Variants in GALNT13 observed in about 807,000 individuals in gnomAD.
The protein encoded by GALNT13 is UDP-GalNAc:polypeptide N-acetylgalactosaminyltransferase 13.
GALNT13 carries 28 observed loss-of-function variants against 64.2 expected under a neutral mutation model. The ratio of observed to expected loss-of-function variants is 0.44; its 90% CI spans 0.32 to 0.60. GALNT13 has a LOEUF of 0.60. GALNT13 is among the 20% of genes least tolerant of loss of function. The probability of loss-of-function intolerance (pLI) is 0.05; values close to 1 mark genes in which losing one functional copy is unlikely to be tolerated. For synonymous variants in GALNT13, 214 were observed against 224.6 expected (o/e 0.95, Z 0.42); for missense variants, 577 against 669.8 (o/e 0.86, Z 1.53).
chr2:153,955,130 G>T (rs941292660), intron 3 of GALNT13, among the ~76,000 whole-genome samples: 1 of 152,110 alleles, frequency 6.6e-6, no homozygotes, highest in Non-Finnish European at 1.5e-5. Context: ...GTTTTTCTCA[G>T]CAGTGAGTTT....
the GALNT13 span, among the ~76,000 whole-genome samples, chr2:153,737,363 G>A: frequency 6.6e-6 from 1 of 151,484 alleles, no homozygotes; most frequent in African/African-American, 2.4e-5. Flanking sequence ...AGCCTGTCTT[G>A]TATATATTTA....
chr2:153,519,635 C>T, the GALNT13 span, among the ~76,000 whole-genome samples: 1 of 152,100 alleles, frequency 6.6e-6, no homozygotes, highest in Non-Finnish European at 1.5e-5. Flanking sequence ...CTGTTGCTAG[C>T]TCACTTTTGC....
At chr2:154,134,394 G>A (rs1682829723) in intron 3 of GALNT13, among the ~76,000 whole-genome samples, 1 of 152,136 alleles carries the variant, frequency 6.6e-6, no homozygotes, top group Non-Finnish European at 1.5e-5. Flanking sequence ...TCAAAGAGAT[G>A]AGAAAAGGAA....
At chr2:153,565,274 A>C in the GALNT13 span, among the ~76,000 whole-genome samples, 95 of 152,314 alleles carry the variant, frequency 6.2e-4, no homozygotes, top group East Asian at 0.016. Flanking sequence ...AAGGAAAAAC[A>C]TGTTGAGGCA....
chr2:153,903,217 T>C (rs7423454), intron 2 of GALNT13, among the ~76,000 whole-genome samples: 150,313 of 152,012 alleles, frequency 0.99, 74,335 homozygotes, highest in Middle Eastern at 1. Context: ...CCTTCCTTAG[T>C]AGAACTTAAA....
the GALNT13 span, among the ~76,000 whole-genome samples, chr2:153,800,182 C>A: frequency 1.3e-5 from 2 of 151,416 alleles, no homozygotes; most frequent in African/African-American, 2.4e-5. Context: ...TGCAATAAAC[C>A]AAGTCACATA....
At chr2:154,035,129 A>G (rs1446959317) in intron 3 of GALNT13, among the ~76,000 whole-genome samples, 1 of 152,134 alleles carries the variant, frequency 6.6e-6, no homozygotes, top group African/African-American at 2.4e-5. Context: ...CTAAGTGTTT[A>G]TCAATGAATG....
At chr2:154,279,417 A>T (rs1045442604) in intron 8 of GALNT13, among the ~76,000 whole-genome samples, 1 of 152,188 alleles carries the variant, frequency 6.6e-6, no homozygotes, top group African/African-American at 2.4e-5. Flanking sequence ...GTAGAAAATC[A>T]GGTGAGCTCT....
At chr2:153,763,741 G>A in the GALNT13 span, among the ~76,000 whole-genome samples, 2 of 152,196 alleles carry the variant, frequency 1.3e-5, no homozygotes, top group Non-Finnish European at 2.9e-5. Context: ...CAAAAATGGG[G>A]AAGAGACTTT....
the GALNT13 span, among the ~76,000 whole-genome samples, chr2:153,540,341 A>G: frequency 1.3e-5 from 2 of 152,242 alleles, no homozygotes; most frequent in African/African-American, 2.4e-5. Context: ...ACCTCTGCCT[A>G]GAATTCAGAG....
rs142498640 is a variant in GALNT13 at position 154,186,373 on chromosome 2, C to T, written c.311+45868C>T. On this transcript the variant is annotated intron_variant, in intron 4 of 12. Transcript: ENST00000392825. ...TTATTTTAGGCAACCATTATATTTA[C>T]GTATGTAGCAGAAGTTCTTTGGGCA... Among the ~76,000 whole-genome samples, 37 of 152,100 alleles carry T rather than the reference C, an allele frequency of 2.4e-4. 1 individual carries two copies. In the East Asian group the frequency reaches 6.6e-3, roughly 27 times the overall value.
At chr2:153,636,233 C>A in the GALNT13 span, among the ~76,000 whole-genome samples, 1 of 152,100 alleles carries the variant, frequency 6.6e-6, no homozygotes, top group Non-Finnish European at 1.5e-5. Context: ...TAAACTAAGA[C>A]AAGCAATTAC....
At chr2:153,545,914 G>T in the GALNT13 span, among the ~76,000 whole-genome samples, 2 of 152,186 alleles carry the variant, frequency 1.3e-5, no homozygotes, top group African/African-American at 4.8e-5. Context: ...TGGCTGACAG[G>T]AAATGGAACC....
the GALNT13 span, among the ~76,000 whole-genome samples, chr2:153,789,856 C>A: frequency 3.3e-5 from 5 of 152,212 alleles, no homozygotes; most frequent in Admixed American, 1.3e-4. Context: ...TATCTGGACA[C>A]ATACACCCTC....
intron 7 of GALNT13, among the ~76,000 whole-genome samples, chr2:154,247,001 A>G (rs1490697582): frequency 1.3e-5 from 2 of 152,048 alleles, no homozygotes; most frequent in Admixed American, 6.5e-5. Flanking sequence ...TACTGAAGGG[A>G]TGACTTATCT....
At position 154,139,022 on chromosome 2, in the gene GALNT13, G is replaced by A. The variant is rs78961246; in HGVS notation, c.143-1315G>A. On this transcript the variant is annotated intron_variant, in intron 3 of 12. Transcript: ENST00000392825. ...ATACATATTTTTTTCTATATTCAATGTTTCCAGTTCTAACTATTTTTATAT... is the reference window on the plus strand; with the variant it reads ...ATACATATTTTTTTCTATATTCAATATTTCCAGTTCTAACTATTTTTATAT... Among the ~76,000 whole-genome samples the A allele has an allele frequency of 2.4e-3, 371 of 151,862 alleles. 9 individuals are homozygous for A. In the East Asian group the frequency reaches 0.056, roughly 23 times the overall value.
At chr2:154,454,789 AG>A (rs1374861786), downstream of GALNT13, 3 of 152,224 alleles carry the variant, frequency 2.0e-5, no homozygotes, top group Non-Finnish European at 4.4e-5. Flanking sequence ...GCATGATTAC[AG>A]GAACATCCAA....
At chr2:154,117,677 A>G (rs1489067644) in intron 3 of GALNT13, among the ~76,000 whole-genome samples, 1 of 152,204 alleles carries the variant, frequency 6.6e-6, no homozygotes, top group Non-Finnish European at 1.5e-5. Flanking sequence ...ACCCAGAAAT[A>G]AACCCAAATA....
At chr2:154,354,650 T>G (rs868436914) in intron 9 of GALNT13, among the ~76,000 whole-genome samples, 1 of 151,938 alleles carries the variant, frequency 6.6e-6, no homozygotes, top group Non-Finnish European at 1.5e-5. Flanking sequence ...AACTCACTTC[T>G]GCAAGCACCG....
Sources: gnomAD v4.1 joint callset for allele counts (sites outside exome capture counted in the v4.1 genomes callset) on GRCh38, gnomAD v4.1.1 for gene constraint, MANE v1.5 for transcripts, NCBI Gene and HGNC (gene_info 2026-07-23, HGNC 2026-07-21) for gene names.